The following CWF19L2 variants were observed in gnomAD, a reference collection of about 807,000 sequenced individuals.
CWF19L2 encodes CWF19 like cell cycle control factor 2.
CWF19L2 carries 98 observed loss-of-function variants against 111.7 expected under a neutral mutation model. That is an observed-to-expected ratio of 0.88 (90% CI 0.75 to 1.04). The LOEUF (loss-of-function observed/expected upper bound fraction) is 1.04. CWF19L2 is among the 50% of genes least tolerant of loss of function. The probability of loss-of-function intolerance (pLI) is 0.00; values close to 1 mark genes in which losing one functional copy is unlikely to be tolerated. For missense variants in CWF19L2, 1,101 were observed against 1,051.4 expected, an observed-to-expected ratio of 1.05 and a Z score of -0.65; for synonymous variants, 351 against 342.9, an observed-to-expected ratio of 1.02 and a Z score of -0.26.
intron 12 of CWF19L2, among the ~76,000 whole-genome samples, chr11:107,361,850 T>A (rs1040304762): frequency 7.2e-5 from 11 of 152,200 alleles, no homozygotes; most frequent in Admixed American, 5.9e-4. Flanking sequence ...AGAGCTCTGG[T>A]CTACAGCTCC....
At chr11:107,407,957 G>A (rs17106875) in intron 10 of CWF19L2, among the ~76,000 whole-genome samples, 38,682 of 151,772 alleles carry the variant, frequency 0.25, 5,346 homozygotes, top group Non-Finnish European at 0.32. Flanking sequence ...TCCCAGCTAG[G>A]ATAATACCAT....
At chr11:107,395,710 A>G (rs1206956202) in intron 10 of CWF19L2, among the ~76,000 whole-genome samples, 2 of 152,172 alleles carry the variant, frequency 1.3e-5, no homozygotes, top group East Asian at 3.9e-4. Flanking sequence ...TCTGCGTGGA[A>G]CAATTATCCC....
chr11:107,410,045 A>G (rs1438382334), intron 10 of CWF19L2, among the ~76,000 whole-genome samples: 2 of 152,112 alleles, frequency 1.3e-5, no homozygotes, highest in African/African-American at 4.8e-5. Context: ...TTTTCACTAA[A>G]GCCAAAATGG....
At chr11:107,338,396 CT>C (rs550376821) in intron 14 of CWF19L2, among the ~76,000 whole-genome samples, 25 of 151,568 alleles carry the variant, frequency 1.6e-4, no homozygotes, top group Admixed American at 1.4e-3. Flanking sequence ...AGGCTTTTTT[CT>C]TTTTTTTTCT....
At chr11:107,442,310 T>C (rs893191997) in intron 4 of CWF19L2, among the ~76,000 whole-genome samples, 1 of 152,232 alleles carries the variant, frequency 6.6e-6, no homozygotes, top group Non-Finnish European at 1.5e-5. Flanking sequence ...CAAAGTCTAA[T>C]TGTTCTCCTG....
intron 1 of CWF19L2, among the ~76,000 whole-genome samples, chr11:107,457,361 A>G (rs1861869678): frequency 6.6e-6 from 1 of 152,198 alleles, no homozygotes; most frequent in East Asian, 1.9e-4. Context: ...AGCAGTAGCA[A>G]TGACTGAGGC....
chr11:107,445,582 G>A (rs1861690063), intron 3 of CWF19L2, among the ~76,000 whole-genome samples: 1 of 146,490 alleles, frequency 6.8e-6, no homozygotes, highest in Non-Finnish European at 1.5e-5. Flanking sequence ...CCAGCCTGGG[G>A]GACAAGAGCA....
At chr11:107,437,780 A>C (rs1444937722) in intron 6 of CWF19L2, among the ~76,000 whole-genome samples, 1 of 152,198 alleles carries the variant, frequency 6.6e-6, no homozygotes, top group East Asian at 1.9e-4. Flanking sequence ...CAAGATCCAA[A>C]GATTGGGTTT....
At chr11:107,379,068 C>G (rs776862061) in intron 12 of CWF19L2, among the ~76,000 whole-genome samples, 1 of 152,132 alleles carries the variant, frequency 6.6e-6, no homozygotes, top group Non-Finnish European at 1.5e-5. Context: ...TAAAGAGATA[C>G]GTGATCCTGG....
At chr11:107,361,781 T>C (rs1348519081) in intron 12 of CWF19L2, among the ~76,000 whole-genome samples, 2 of 152,240 alleles carry the variant, frequency 1.3e-5, no homozygotes, top group Admixed American at 6.5e-5. Context: ...TACACTGTTA[T>C]GGTGTATAGA....
At chr11:107,438,815 C>A (rs1003691852) in intron 6 of CWF19L2, among the ~76,000 whole-genome samples, 1 of 152,076 alleles carries the variant, frequency 6.6e-6, no homozygotes, top group Admixed American at 6.6e-5. Flanking sequence ...CAGGACAAGG[C>A]AGTTAGGTCA....
At chr11:107,365,149 C>G (rs1860419548) in intron 12 of CWF19L2, among the ~76,000 whole-genome samples, 1 of 141,838 alleles carries the variant, frequency 7.1e-6, no homozygotes, top group Non-Finnish European at 1.5e-5. Flanking sequence ...CTGAATAGAC[C>G]AATAAGAAGA....
At chr11:107,387,323 T>C (rs1860782372) in intron 12 of CWF19L2, among the ~76,000 whole-genome samples, 1 of 152,040 alleles carries the variant, frequency 6.6e-6, no homozygotes, top group South Asian at 2.1e-4. Context: ...TGAACTAATA[T>C]AATACTCTCC....
chr11:107,402,871 G>GTATATATATATATACATATA (rs767099135), intron 10 of CWF19L2, among the ~76,000 whole-genome samples: 2 of 57,120 alleles, frequency 3.5e-5, no homozygotes, highest in Non-Finnish European at 5.9e-5. Context: ...AAACTGTGGT[G>GTATATATATATATACATATA]TGTATATATA....
chr11:107,411,560 T>C (rs1373692959), intron 10 of CWF19L2, among the ~76,000 whole-genome samples: 1 of 152,124 alleles, frequency 6.6e-6, no homozygotes. Flanking sequence ...AAGCTAACCA[T>C]GAAAATGGTA....
intron 12 of CWF19L2, among the ~76,000 whole-genome samples, chr11:107,379,403 C>G (rs1860647664): frequency 6.6e-6 from 1 of 152,264 alleles, no homozygotes; most frequent in Non-Finnish European, 1.5e-5. Flanking sequence ...GGTTCACAGA[C>G]AGTCCTTCTA....
At chr11:107,443,875 A>T (rs1300467076) in intron 3 of CWF19L2, among the ~76,000 whole-genome samples, 1 of 152,172 alleles carries the variant, frequency 6.6e-6, no homozygotes, top group African/African-American at 2.4e-5. Context: ...TCATCAAGAA[A>T]ACTAGGGCCA....
At chr11:107,389,128 T>A (rs1860812459) in intron 12 of CWF19L2, among the ~76,000 whole-genome samples, 1 of 152,216 alleles carries the variant, frequency 6.6e-6, no homozygotes. Context: ...AATAAAAGAT[T>A]GTAAGTCTGA....
intron 12 of CWF19L2, among the ~76,000 whole-genome samples, chr11:107,387,150 G>A (rs1860779671): frequency 6.6e-6 from 1 of 151,826 alleles, no homozygotes. Context: ...ATGTGACCGG[G>A]CATTTCATAC....
Sources: allele counts gnomAD v4.1 joint callset (sites outside exome capture counted in the v4.1 genomes callset), GRCh38; gene constraint gnomAD v4.1.1; transcripts MANE v1.5; gene names NCBI Gene and HGNC (gene_info 2026-07-23, HGNC 2026-07-21).